Variants in IL17RB observed in about 807,000 individuals in gnomAD.
IL17RB encodes the protein interleukin 17 receptor B.
A neutral mutation model predicts 43.9 loss-of-function variants in IL17RB; 36 were observed. That is an observed-to-expected ratio of 0.82 (90% confidence interval 0.63 to 1.08). The LOEUF (loss-of-function observed/expected upper bound fraction) is 1.08. Among genes scored for constraint, IL17RB ranks in the 50% least tolerant of loss-of-function variants. IL17RB has a pLI of 0.00. For missense variants in IL17RB, 613 were observed against 613.6 expected, an observed-to-expected ratio of 1.00 and a Z score of 0.01; for synonymous variants, 225 against 225.4, an observed-to-expected ratio of 1.00 and a Z score of 0.02.
At chr3:53,848,634 A>G (rs2232333) in intron 1 of IL17RB, 30 bp from the exon 2 acceptor site, 439,976 of 1,541,128 alleles carry the variant, frequency 0.29, 65,667 homozygotes, top group Middle Eastern at 0.33. Flanking sequence ...GCCGGCTTCA[A>G]CGTGACGCTT....
chr3:53,860,268 A>G (rs1165941990), intron 10 of IL17RB, 40 bp downstream of exon 10: 3 of 1,521,784 alleles, frequency 2.0e-6, no homozygotes, highest in East Asian at 2.3e-5. Context: ...TAGTAAGGAA[A>G]TAACATTTTG....
intron 1 of IL17RB, among the ~76,000 whole-genome samples, chr3:53,847,919 T>G (rs971562828): frequency 8.5e-5 from 13 of 152,190 alleles, no homozygotes; most frequent in Non-Finnish European, 1.9e-4. Flanking sequence ...TTAGAAGGTG[T>G]TTGGAAATGT....
In IL17RB at chr3:53,857,868, G is replaced by A. The variant is rs529620946; in HGVS notation, c.747+178G>A. 7.8e-5 allele frequency: 48 copies of A among 615,440 alleles called. No homozygotes were observed. In the South Asian group the frequency reaches 8.0e-4, roughly 10 times the overall value. The allele number at this position is 615,440 out of a possible 1,614,324, so 38.1% of individuals were successfully genotyped here. A position where few individuals can be genotyped will look rare whatever the true frequency, so the allele number is the denominator to read the frequency against. Reference sequence around the variant, plus strand: ...TCCACCGTGCTGAGGTCAGGAGGCCGACGTGGCAGTTGTGGTCCCTTTTGC... The same window carrying A: ...TCCACCGTGCTGAGGTCAGGAGGCCAACGTGGCAGTTGTGGTCCCTTTTGC... On this transcript the variant is annotated intron_variant, in intron 8 of 10. Coordinates refer to ENST00000288167, the MANE Select transcript of IL17RB (RefSeq NM_018725.4).
At chr3:53,864,390 C>A (rs1469808783) in intron 10 of IL17RB, among the ~76,000 whole-genome samples, 1 of 152,106 alleles carries the variant, frequency 6.6e-6, no homozygotes, top group Non-Finnish European at 1.5e-5. Context: ...CAAAAATTAG[C>A]CAGGCGTGGT....
Position 53,865,128 on chromosome 3 carries a change from C to CGTGGTG in IL17RB, c.1332_1337dup (p.Val445_Val446dup), listed in dbSNP as rs763267859. 6.2e-7 allele frequency: 1 copy of CGTGGTG among 1,614,036 alleles called. No individual in the cohort carries two copies. Among genetic ancestry groups the CGTGGTG allele is most frequent in the African/African-American group, 1.3e-5 (1 of 74,916 alleles). On this transcript the variant is annotated inframe_insertion, in exon 11 of 11. Coordinates refer to ENST00000288167, the MANE Select transcript of IL17RB (RefSeq NM_018725.4). ...GAAGCCAGATTCATCTGCACAAATA[C>CGTGGTG]GTGGTGGTCTACTTTAGAGAGATTG...
chr3:53,855,319 TA>T lies in IL17RB; in HGVS notation c.515del (p.Lys172SerfsTer23), dbSNP rs572836124. On this transcript the variant is annotated frameshift_variant, in exon 6 of 11. Transcript: ENST00000288167. LOFTEE classifies it high-confidence loss of function. ...PGCLDHIMKY[K>X]KKCVKAGSLW... ...GCTGCCTAGACCACATAATGAAATA[TA>T]AAAAAAAGTGTGTCAAGGCCGGTAA... The T allele has an allele frequency of 2.7e-5, 44 of 1,604,814 alleles. No individual in the cohort carries two copies. Among genetic ancestry groups the T allele is most frequent in the South Asian group, 3.3e-5 (3 of 90,172 alleles).
intron 10 of IL17RB, chr3:53,860,691 G>C (rs1699532292): frequency 6.6e-6 from 1 of 152,112 alleles, no homozygotes; most frequent in Non-Finnish European, 1.5e-5. Flanking sequence ...ACATATATTG[G>C]AAAATTTTTT....
intron 10 of IL17RB, among the ~76,000 whole-genome samples, chr3:53,862,546 G>A (rs1576848406): frequency 6.6e-6 from 1 of 152,282 alleles, no homozygotes; most frequent in East Asian, 1.9e-4. Context: ...AAAGGTGGGG[G>A]GTGAAGGGTT....
In IL17RB at chr3:53,855,329, T is replaced by G. The variant is rs773618422; in HGVS notation, c.517T>G (p.Cys173Gly). 1.2e-6 allele frequency: 2 copies of G among 1,605,814 alleles called. No individual in the cohort carries two copies. Among genetic ancestry groups the G allele is most frequent in the Non-Finnish European group, 1.7e-6 (2 of 1,173,786 alleles). Residue 173 changes from cysteine to glycine, a missense_variant, in exon 6 of 11, where the codon TGT becomes GGT. Transcript: ENST00000288167. Reference protein sequence around the residue: ...LDHIMKYKKKCVKAGSLWDPN... With the variant: ...LDHIMKYKKKGVKAGSLWDPN... ...CCACATAATGAAATATAAAAAAAAG[T>G]GTGTCAAGGCCGGTAAGTAAATACG...
chr3:53,859,529 G>A (rs1699480808), intron 9 of IL17RB: 1 of 152,432 alleles, frequency 6.6e-6, no homozygotes, highest in Admixed American at 6.5e-5. Context: ...TGAGGCGGGT[G>A]GCACTATCCT....
chr3:53,849,683 T>G lies in IL17RB; in HGVS notation c.114T>G (p.His38Gln). ...TGPSPEWMLQ[H>Q]DLIPGDLRDL... ...CATCTCCAGAGTGGATGCTACAACA[T>G]GATCTAATCCCCGGAGACTTGAGGG... Residue 38 changes from histidine to glutamine, a missense_variant, in exon 3 of 11, where the codon CAT (histidine) becomes CAG (glutamine). Coordinates refer to ENST00000288167, the MANE Select transcript of IL17RB (RefSeq NM_018725.4). 6.2e-7 allele frequency: 1 copy of G among 1,612,326 alleles called. No individual in the cohort carries two copies. The highest frequency in any genetic ancestry group is 8.5e-7 in the Non-Finnish European group (1 of 1,179,184).
Position 53,846,581 on chromosome 3 carries a change from G to C in IL17RB, c.-8G>C. The C allele has an allele frequency of 1.3e-6, 2 of 1,575,364 alleles. No homozygotes were observed. The highest frequency in any genetic ancestry group is 1.7e-6 in the Non-Finnish European group (2 of 1,166,160). On this transcript the variant is annotated 5_prime_UTR_variant, in exon 1 of 11. Transcript: ENST00000288167. ...CGGGTGGCCTGGATCCCGCGCAGTG[G>C]CCCGGCGATGTCGCTCGTGCTGCTA...
chr3:53,860,092 T>A, intron 9 of IL17RB, 38 bp from the exon 10 acceptor site: 1 of 1,372,950 alleles, frequency 7.3e-7, no homozygotes, highest in Non-Finnish European at 1.0e-6. Flanking sequence ...TAAGTGTGGA[T>A]TTGTTTTCCA....
chr3:53,859,716 TTTTAGGACTG>T (rs1189381974), intron 9 of IL17RB: 10 of 155,998 alleles, frequency 6.4e-5, no homozygotes, highest in Non-Finnish European at 1.4e-4. Context: ...GCCAAAGAGA[TTTTAGGACTG>T]TTCTTAACTT....
Position 53,865,080 on chromosome 3 carries a change from TA to T in IL17RB, c.1283del (p.Asn428ThrfsTer7). 6.2e-7 allele frequency: 1 copy of T among 1,614,166 alleles called. No individual in the cohort carries two copies. Among genetic ancestry groups the T allele is most frequent in the Non-Finnish European group, 8.5e-7 (1 of 1,179,970 alleles). ...CTCAAGACCTCTTCCCCCTTGCCTT[TA>T]ACCTTTTCTGCAGTGATCTAAGAAG... ...NSQDLFPLAF[N>X]LFCSDLRSQI... On this transcript the variant is annotated frameshift_variant, in exon 11 of 11. Coordinates refer to ENST00000288167, the MANE Select transcript of IL17RB (RefSeq NM_018725.4). LOFTEE classifies it low-confidence loss of function (END_TRUNC).
rs142718851 is a variant in IL17RB, at chr3:53,852,881, C to T, written c.365C>T (p.Ser122Phe). The change falls in exon 5 of 11, where the codon TCC becomes TTC. Residue 122 changes from serine to phenylalanine, a missense_variant. Ser to Phe is a radical substitution (Grantham distance 155, BLOSUM62 -2). Coordinates refer to ENST00000288167, the MANE Select transcript of IL17RB (RefSeq NM_018725.4). ...TGCTTTGCCTTTCAGTGGACATTTTCCTACATCGGCTTCCCTGTAGAGCTG... is the reference window on the plus strand; with the variant it reads ...TGCTTTGCCTTTCAGTGGACATTTTTCTACATCGGCTTCCCTGTAGAGCTG... ...TRPSGGKWTF[S>F]YIGFPVELNT... 8.1e-6 allele frequency: 13 copies of T among 1,613,792 alleles called. No homozygotes were observed. In the African/African-American group the frequency reaches 1.3e-4, roughly 17 times the overall value.
rs759159726 is a variant in IL17RB, at chr3:53,855,332, G to A, written c.520G>A (p.Val174Ile). The A allele has an allele frequency of 1.7e-5, 27 of 1,604,408 alleles. No homozygotes were observed. The Admixed American group carries it at 3.7e-4, about 22-fold the overall frequency. The change falls in exon 6 of 11, where the codon GTC (valine) becomes ATC (isoleucine). Residue 174 changes from valine (V) to isoleucine (I), a missense_variant. Transcript: ENST00000288167. ...CATAATGAAATATAAAAAAAAGTGT[G>A]TCAAGGCCGGTAAGTAAATACGGCA... is the stretch of plus-strand genomic sequence containing the variant. ...DHIMKYKKKC[V>I]KAGSLWDPNI...
rs555347777 is a variant in IL17RB, at chr3:53,865,094, G to C, written c.1295G>C (p.Ser432Thr). Residue 432 changes from serine to threonine, a missense_variant, in exon 11 of 11, where the codon AGT becomes ACT. By Grantham distance (58) the Ser-to-Thr change is moderately conservative (BLOSUM62 1). Transcript: ENST00000288167. ...LFPLAFNLFC[S>T]DLRSQIHLHK... ...CCCCTTGCCTTTAACCTTTTCTGCA[G>C]TGATCTAAGAAGCCAGATTCATCTG... is the stretch of plus-strand genomic sequence containing the variant. 14 of 1,614,160 alleles carry C rather than the reference G, an allele frequency of 8.7e-6. No homozygotes were observed. In the South Asian group the frequency reaches 1.5e-4, roughly 18 times the overall value.
intron 3 of IL17RB, among the ~76,000 whole-genome samples, chr3:53,850,256 G>A (rs1372965190): frequency 1.3e-5 from 2 of 152,210 alleles, no homozygotes; most frequent in Non-Finnish European, 2.9e-5. Context: ...CAGCACTTTG[G>A]GAGGCCGAGG....
Sources: allele counts gnomAD v4.1 joint callset (sites outside exome capture counted in the v4.1 genomes callset), GRCh38; gene constraint gnomAD v4.1.1; transcripts MANE v1.5; gene names NCBI Gene and HGNC (gene_info 2026-07-23, HGNC 2026-07-21).